The following SH3GL2 variants were observed in gnomAD, a reference collection of about 807,000 sequenced individuals.
SH3GL2 encodes endophilin-A1.
Under a neutral mutation model 46.0 loss-of-function variants are expected in SH3GL2, and 24 were observed. The observed-to-expected ratio is 0.52, with a 90% CI of 0.38 to 0.73. The LOEUF (loss-of-function observed/expected upper bound fraction) is 0.73. SH3GL2 is among the 30% of genes least tolerant of loss of function. The probability of loss-of-function intolerance (pLI) is 0.00; values close to 1 mark genes in which losing one functional copy is unlikely to be tolerated. For synonymous variants in SH3GL2, 196 were observed against 147.1 expected (o/e 1.33, Z -2.40); for missense variants, 413 against 424.2 (o/e 0.97, Z 0.23).
intron 1 of SH3GL2, among the ~76,000 whole-genome samples, chr9:17,586,438 T>C (rs1818379190): frequency 6.6e-6 from 1 of 152,176 alleles, no homozygotes; most frequent in Non-Finnish European, 1.5e-5. Flanking sequence ...TCCCCATAGA[T>C]ACTAATGGAA....
At chr9:17,720,351 A>C (rs183760836) in intron 1 of SH3GL2, among the ~76,000 whole-genome samples, 6 of 152,268 alleles carry the variant, frequency 3.9e-5, no homozygotes, top group African/African-American at 1.4e-4. Flanking sequence ...TGAGCAAAGA[A>C]TGATTCGCAA....
chr9:17,723,288 A>G (rs1821941061), intron 1 of SH3GL2, among the ~76,000 whole-genome samples: 1 of 152,086 alleles, frequency 6.6e-6, no homozygotes, highest in African/African-American at 2.4e-5. Context: ...ACTTCAATAT[A>G]TTATATTTTC....
intron 1 of SH3GL2, among the ~76,000 whole-genome samples, chr9:17,718,698 C>G (rs1260381344): frequency 6.6e-6 from 1 of 152,102 alleles, no homozygotes; most frequent in East Asian, 1.9e-4. Context: ...CCACTGCACT[C>G]CAGCCTGGGT....
intron 6 of SH3GL2, chr9:17,790,481 A>G (rs192009498): frequency 1.1e-6 from 1 of 908,438 alleles, no homozygotes; most frequent in African/African-American, 1.8e-5. Flanking sequence ...GTTTTTGTTT[A>G]TGTAAAACAA....
Position 17,706,174 on chromosome 9 carries a change from G to A in SH3GL2, c.46-40892G>A, listed in dbSNP as rs996010657. Among the ~76,000 whole-genome samples the A allele has an allele frequency of 3.6e-4, 55 of 152,054 alleles. 1 individual carries two copies. The Middle Eastern group carries it at 0.027, about 75-fold the overall frequency. On this transcript the variant is annotated intron_variant, in intron 1 of 8. Transcript: ENST00000380607. ...AGTTTACCCCTTTTATTCTGGAGTG[G>A]CAAAGGGACATGCCCAAGGCCACTA...
chr9:17,787,339 A>G lies in SH3GL2; in HGVS notation c.332-41A>G, dbSNP rs1000378149. Reference sequence around the variant, plus strand: ...GGCCCTGTTATTGCGAGTGCATTTCATCTTTATTCTGTAACATGAAAGAGC... The same window carrying G: ...GGCCCTGTTATTGCGAGTGCATTTCGTCTTTATTCTGTAACATGAAAGAGC... On this transcript the variant is annotated intron_variant, in intron 4 of 8. Transcript: ENST00000380607. The G allele has an allele frequency of 1.0e-5, 16 of 1,584,024 alleles. No individual in the cohort carries two copies. In the African/African-American group the frequency reaches 1.5e-4, roughly 15 times the overall value.
chr9:17,731,822 C>T (rs995022060), intron 1 of SH3GL2, among the ~76,000 whole-genome samples: 9 of 152,114 alleles, frequency 5.9e-5, no homozygotes, highest in Admixed American at 3.9e-4. Context: ...TGATTTGCAT[C>T]GGTGCTGGTC....
intron 1 of SH3GL2, among the ~76,000 whole-genome samples, chr9:17,614,533 G>C (rs1258585145): frequency 5.3e-5 from 8 of 152,016 alleles, no homozygotes; most frequent in Admixed American, 1.3e-4. Context: ...TTCTGTCATA[G>C]GGCAAACTCA....
intron 1 of SH3GL2, among the ~76,000 whole-genome samples, chr9:17,668,069 C>T (rs1820388411): frequency 6.6e-6 from 1 of 152,104 alleles, no homozygotes; most frequent in African/African-American, 2.4e-5. Context: ...CAAATATTTT[C>T]TCCCATTCTA....
intron 1 of SH3GL2, among the ~76,000 whole-genome samples, chr9:17,586,916 C>A (rs980241650): frequency 2.6e-5 from 4 of 152,170 alleles, no homozygotes; most frequent in Non-Finnish European, 4.4e-5. Flanking sequence ...TTTAAACGTA[C>A]AGGAAATCGG....
rs1186097768 is a variant in SH3GL2 at position 17,653,834 on chromosome 9, G to A, written c.45+74547G>A. ...CTTATCAAAGAAGAAGACAGATACTGCCTTGGTGAACATTCATGGAGACAT... is the reference window on the plus strand; with the variant it reads ...CTTATCAAAGAAGAAGACAGATACTACCTTGGTGAACATTCATGGAGACAT... On this transcript the variant is annotated intron_variant, in intron 1 of 8. Coordinates refer to ENST00000380607, the MANE Select transcript of SH3GL2 (RefSeq NM_003026.5). 3.1e-6 allele frequency: 3 copies of A among 974,248 alleles called. No individual in the cohort carries two copies. In the African/African-American group the frequency reaches 5.3e-5, roughly 17 times the overall value. 60.4% of individuals were successfully genotyped at this position (974,248 alleles called of 1,614,324 possible).
chr9:17,684,018 A>G (rs903177645), intron 1 of SH3GL2, among the ~76,000 whole-genome samples: 1 of 152,158 alleles, frequency 6.6e-6, no homozygotes, highest in Non-Finnish European at 1.5e-5. Context: ...GTTCTGCACA[A>G]GATGGCTGGC....
At chr9:17,789,265 G>C in intron 5 of SH3GL2, 127 bp from the exon 6 acceptor site, 1 of 682,768 alleles carries the variant, frequency 1.5e-6, no homozygotes, top group Non-Finnish European at 2.5e-6. Context: ...TATTTCTCTG[G>C]TGGCGTTGTA....
intron 1 of SH3GL2, among the ~76,000 whole-genome samples, chr9:17,696,454 G>A (rs1350862326): frequency 1.3e-5 from 2 of 152,114 alleles, no homozygotes; most frequent in African/African-American, 4.8e-5. Flanking sequence ...TACCTGAGAT[G>A]GAGTAATTTA....
At position 17,691,025 on chromosome 9, in the gene SH3GL2, A is replaced by G. The variant is rs1173500292; in HGVS notation, c.46-56041A>G. Among the ~76,000 whole-genome samples, 3 of 152,172 alleles carry G rather than the reference A, an allele frequency of 2.0e-5. No homozygotes were observed. In the East Asian group the frequency reaches 5.8e-4, roughly 29 times the overall value. ...TTAAATAATTTCTTCCAGTGGAGAA[A>G]AGGGCATGCTTTGTGAAACAGAGAC... On this transcript the variant is annotated intron_variant, in intron 1 of 8. Transcript: ENST00000380607.
chr9:17,791,689 G>C (rs1563856476), intron 7 of SH3GL2, among the ~76,000 whole-genome samples: 1 of 152,176 alleles, frequency 6.6e-6, no homozygotes, highest in Non-Finnish European at 1.5e-5. Context: ...TGTAACCTAA[G>C]TGTTTTTAGC....
rs1037390809 is a variant in SH3GL2 at position 17,787,296 on chromosome 9, G to C, written c.332-84G>C. On this transcript the variant is annotated intron_variant, in intron 4 of 8. Transcript: ENST00000380607. Reference sequence around the variant, plus strand: ...TTTAGAAGACAAGTGGTAATCCTTTGGGTTTTCATCTGTGAAGGGCCCTGT... The same window carrying C: ...TTTAGAAGACAAGTGGTAATCCTTTCGGTTTTCATCTGTGAAGGGCCCTGT... The C allele has an allele frequency of 1.4e-5, 15 of 1,078,928 alleles. No homozygotes were observed. In the African/African-American group the frequency reaches 2.4e-4, roughly 17 times the overall value. The allele number at this position is 1,078,928 out of a possible 1,614,324, so 66.8% of individuals were successfully genotyped here. A position where few individuals can be genotyped will look rare whatever the true frequency, so the allele number is the denominator to read the frequency against.
chr9:17,688,469 C>T (rs1020081677), intron 1 of SH3GL2, among the ~76,000 whole-genome samples: 2 of 152,002 alleles, frequency 1.3e-5, no homozygotes, highest in African/African-American at 4.8e-5. Context: ...GAAAATAAGA[C>T]CCAGTGTGAA....
At chr9:17,761,602 T>C in intron 3 of SH3GL2, 93 bp downstream of exon 3, 1 of 855,244 alleles carries the variant, frequency 1.2e-6, no homozygotes. Flanking sequence ...TTTCTTCTTT[T>C]GGTGTTGCTT....
Sources: allele counts gnomAD v4.1 joint callset (sites outside exome capture counted in the v4.1 genomes callset), GRCh38; gene constraint gnomAD v4.1.1; transcripts MANE v1.5; gene names NCBI Gene and HGNC (gene_info 2026-07-23, HGNC 2026-07-21).